DGKB: variants seen among roughly 807,000 people sequenced by gnomAD.
DGKB encodes the protein diacylglycerol kinase beta.
Under a neutral mutation model 114.3 loss-of-function variants are expected in DGKB, and 67 were observed. The observed-to-expected ratio is 0.59, with a 90% CI of 0.48 to 0.72. The LOEUF is 0.72. Among genes scored for constraint, DGKB ranks in the 30% least tolerant of loss-of-function variants. DGKB has a pLI of 0.00. For synonymous variants in DGKB, 398 were observed against 323.1 expected (o/e 1.23, Z -2.49); for missense variants, 907 against 975.2 (o/e 0.93, Z 0.93).
At chr7:14,835,390 A>G (rs944081110) in intron 2 of DGKB, among the ~76,000 whole-genome samples, 1 of 152,228 alleles carries the variant, frequency 6.6e-6, no homozygotes, top group Admixed American at 6.5e-5. Context: ...TCAGCAAGGC[A>G]ACTCCATGAG....
intron 1 of DGKB, among the ~76,000 whole-genome samples, chr7:14,937,894 T>C (rs932744428): frequency 6.6e-6 from 1 of 152,198 alleles, no homozygotes; most frequent in African/African-American, 2.4e-5. Flanking sequence ...ATGATTTTCT[T>C]AATAACATTT....
intron 1 of DGKB, among the ~76,000 whole-genome samples, chr7:14,844,057 T>C (rs933362038): frequency 3.3e-5 from 5 of 152,206 alleles, no homozygotes; most frequent in African/African-American, 1.2e-4. Context: ...TTTTGCTTAC[T>C]TGGTAACAAG....
intron 21 of DGKB, among the ~76,000 whole-genome samples, chr7:14,377,858 G>A (rs534774070): frequency 7.2e-5 from 11 of 152,246 alleles, no homozygotes; most frequent in East Asian, 1.9e-4. Flanking sequence ...CTTCACAGCC[G>A]TGGTTTGGGA....
chr7:14,919,073 C>CACACACACACACACACACAA (rs1784382113), intron 1 of DGKB, among the ~76,000 whole-genome samples: 5 of 124,092 alleles, frequency 4.0e-5, no homozygotes, highest in African/African-American at 1.6e-4. Flanking sequence ...CACACACACA[C>CACACACACACACACACACAA]ACACACACAC....
chr7:14,249,312 T>C (rs1584721387), intron 23 of DGKB, among the ~76,000 whole-genome samples: 1 of 152,286 alleles, frequency 6.6e-6, no homozygotes, highest in East Asian at 1.9e-4. Context: ...TCTTTTCTTG[T>C]AGTGTTTTTA....
chr7:14,631,724 T>C (rs1245874393), intron 13 of DGKB, among the ~76,000 whole-genome samples: 1 of 152,076 alleles, frequency 6.6e-6, no homozygotes, highest in African/African-American at 2.4e-5. Flanking sequence ...AGTTTCTCTC[T>C]GGGTCAGTTC....
intron 1 of DGKB, among the ~76,000 whole-genome samples, chr7:14,970,831 C>T (rs918844298): frequency 6.6e-6 from 1 of 152,062 alleles, no homozygotes; most frequent in Non-Finnish European, 1.5e-5. Flanking sequence ...CACACTCTTC[C>T]CCAGCCATAG....
intron 2 of DGKB, among the ~76,000 whole-genome samples, chr7:14,836,482 C>T (rs940202584): frequency 1.3e-5 from 2 of 152,148 alleles, no homozygotes; most frequent in Non-Finnish European, 2.9e-5. Context: ...ACGTAGATTT[C>T]ACATAGAAAA....
intron 21 of DGKB, among the ~76,000 whole-genome samples, chr7:14,452,625 T>C (rs1272222406): frequency 6.6e-6 from 1 of 151,938 alleles, no homozygotes; most frequent in Non-Finnish European, 1.5e-5. Flanking sequence ...CAGAAGACTA[T>C]AAAGACAAAA....
intron 15 of DGKB, chr7:14,621,084 A>C (rs1159606219): frequency 1.6e-5 from 4 of 250,298 alleles, no homozygotes; most frequent in Non-Finnish European, 3.0e-5. Flanking sequence ...AATAACACAT[A>C]TGTATTTAAT....
At chr7:14,715,179 T>C (rs1370616371) in intron 6 of DGKB, among the ~76,000 whole-genome samples, 1 of 152,134 alleles carries the variant, frequency 6.6e-6, no homozygotes, top group Non-Finnish European at 1.5e-5. Flanking sequence ...TTTTTAATTA[T>C]TGTACTATGC....
intron 25 of DGKB, among the ~76,000 whole-genome samples, chr7:14,155,423 T>A (rs896467749): frequency 2.0e-5 from 3 of 152,062 alleles, no homozygotes; most frequent in African/African-American, 7.2e-5. Context: ...GCTAGGGATA[T>A]TTTCAGGGTA....
At chr7:14,660,504 C>T (rs1236165090) in intron 13 of DGKB, among the ~76,000 whole-genome samples, 9 of 152,090 alleles carry the variant, frequency 5.9e-5, no homozygotes, top group South Asian at 2.1e-4. Flanking sequence ...AGTTTATTTG[C>T]GTAGAGGTGT....
chr7:14,781,999 AT>A (rs548503101), intron 2 of DGKB, among the ~76,000 whole-genome samples: 180 of 152,098 alleles, frequency 1.2e-3, no homozygotes, highest in Non-Finnish European at 2.0e-3. Context: ...AGTAGAAAGC[AT>A]TTTTTTAAAA....
chr7:14,643,172 G>C (rs1302813978), intron 13 of DGKB, among the ~76,000 whole-genome samples: 1 of 152,150 alleles, frequency 6.6e-6, no homozygotes, highest in Non-Finnish European at 1.5e-5. Context: ...AAAGCAGCTA[G>C]CCAGGATCAG....
At chr7:14,941,531 T>C (rs1364662830) in intron 1 of DGKB, among the ~76,000 whole-genome samples, 1 of 152,128 alleles carries the variant, frequency 6.6e-6, no homozygotes, top group Non-Finnish European at 1.5e-5. Flanking sequence ...CCAAAAATTG[T>C]ATGCATAATT....
chr7:14,332,555 C>CT (rs1224906633), intron 23 of DGKB, among the ~76,000 whole-genome samples: 1 of 152,160 alleles, frequency 6.6e-6, no homozygotes, highest in Admixed American at 6.5e-5. Flanking sequence ...TAAATTATCA[C>CT]TTAGGTAGGA....
chr7:14,368,455 A>T (rs1201648098), intron 21 of DGKB, among the ~76,000 whole-genome samples: 1 of 152,168 alleles, frequency 6.6e-6, no homozygotes, highest in Admixed American at 6.6e-5. Flanking sequence ...TGGCACACAG[A>T]AAGTGCCCAC....
intron 20 of DGKB, among the ~76,000 whole-genome samples, chr7:14,511,197 C>T (rs1356103395): frequency 2.0e-5 from 3 of 152,190 alleles, no homozygotes; most frequent in Non-Finnish European, 4.4e-5. Flanking sequence ...CATGAAAGTC[C>T]TAGATAGCAT....
Sources: allele counts gnomAD v4.1 joint callset (sites outside exome capture counted in the v4.1 genomes callset), GRCh38; gene constraint gnomAD v4.1.1; transcripts MANE v1.5; gene names NCBI Gene and HGNC (gene_info 2026-07-23, HGNC 2026-07-21).